The following NCAM2 variants were observed in gnomAD, a reference collection of about 807,000 sequenced individuals.
The protein encoded by NCAM2 is N-CAM-2.
In NCAM2, 30 loss-of-function variants were observed where a neutral mutation model predicts 98.1. The observed-to-expected ratio is 0.31, with a 90% CI of 0.23 to 0.41. The LOEUF (loss-of-function observed/expected upper bound fraction) is 0.41. Ranked by LOEUF, NCAM2 falls within the 10% of genes least tolerant of loss-of-function variation. The pLI, the probability that NCAM2 is intolerant of heterozygous loss-of-function variation, is 1.00. For synonymous variants in NCAM2, 368 were observed against 342.4 expected (o/e 1.07, Z -0.83); for missense variants, 867 against 1,005.8 (o/e 0.86, Z 1.87).
chr21:21,427,884 A>G (rs2077249616), intron 11 of NCAM2, among the ~76,000 whole-genome samples: 1 of 152,194 alleles, frequency 6.6e-6, no homozygotes, highest in Admixed American at 6.5e-5. Flanking sequence ...AATTACAATG[A>G]CTGACATTTG....
intron 11 of NCAM2, among the ~76,000 whole-genome samples, chr21:21,422,570 G>A (rs2077132140): frequency 6.6e-6 from 1 of 152,110 alleles, no homozygotes; most frequent in Non-Finnish European, 1.5e-5. Context: ...AGGAGTTGAC[G>A]TAGTCTTCTT....
rs140815229 is a variant in NCAM2 at position 21,460,603 on chromosome 21, G to T, written c.1655-6003G>T. ...ATTGGGTCAGTTTTCTTTAAAAGTGGTGTTTCATTTGGTATAATTTTTAAA... is the reference window on the plus strand; with the variant it reads ...ATTGGGTCAGTTTTCTTTAAAAGTGTTGTTTCATTTGGTATAATTTTTAAA... On this transcript the variant is annotated intron_variant, in intron 12 of 17. Transcript: ENST00000400546. Among the ~76,000 whole-genome samples, 1,426 of 151,984 alleles carry T rather than the reference G, an allele frequency of 9.4e-3. 16 individuals are homozygous for T. Among genetic ancestry groups the T allele is most frequent in the African/African-American group, 0.033 (1,362 of 41,510 alleles).
At chr21:21,229,817 T>G (rs2070547695) in intron 1 of NCAM2, among the ~76,000 whole-genome samples, 1 of 151,426 alleles carries the variant, frequency 6.6e-6, no homozygotes, top group Non-Finnish European at 1.5e-5. Context: ...GGATTTTTCA[T>G]GAACCAAAAA....
At chr21:21,374,523 A>G (rs902762360) in intron 9 of NCAM2, among the ~76,000 whole-genome samples, 4 of 151,894 alleles carry the variant, frequency 2.6e-5, no homozygotes, top group South Asian at 4.1e-4. Context: ...AAGGAGCATG[A>G]CAAGGATAGT....
In NCAM2 at chr21:21,074,398, CTTA is replaced by C. The variant is rs1307940454; in HGVS notation, c.55+75784_55+75786del. 2.6e-5 allele frequency among the ~76,000 whole-genome samples: 4 copies of C among 151,784 alleles called. No individual in the cohort carries two copies. The East Asian group carries it at 5.8e-4, about 22-fold the overall frequency. ...TAACATTTAATTTATTTTACATTTA[CTTA>C]TTAATTTACATTTATTTTACATTAA... On this transcript the variant is annotated intron_variant, in intron 1 of 17. Transcript: ENST00000400546.
chr21:21,063,774 T>A (rs28488407), intron 1 of NCAM2, among the ~76,000 whole-genome samples: 32,441 of 151,958 alleles, frequency 0.21, 3,913 homozygotes, highest in African/African-American at 0.31. Flanking sequence ...TACAATTATT[T>A]TATACTTGAT....
intron 1 of NCAM2, among the ~76,000 whole-genome samples, chr21:21,014,716 T>A (rs996117835): frequency 7.2e-5 from 11 of 152,214 alleles, no homozygotes; most frequent in African/African-American, 2.2e-4. Context: ...GGAGTAATTT[T>A]GACTCTTGCT....
At chr21:21,017,611 C>T (rs2064339870) in intron 1 of NCAM2, among the ~76,000 whole-genome samples, 1 of 151,870 alleles carries the variant, frequency 6.6e-6, no homozygotes, top group Admixed American at 6.6e-5. Context: ...TATACTATTC[C>T]TCGCTTATGA....
chr21:21,514,156 T>C (rs927768910), intron 16 of NCAM2, among the ~76,000 whole-genome samples: 27 of 150,852 alleles, frequency 1.8e-4, no homozygotes, highest in African/African-American at 6.3e-4. Flanking sequence ...ATATTTATAA[T>C]AAAATATTTA....
intron 1 of NCAM2, among the ~76,000 whole-genome samples, chr21:21,146,557 GTATATA>G (rs35673800): frequency 3.6e-5 from 2 of 55,032 alleles, no homozygotes; most frequent in Non-Finnish European, 1.0e-4. Context: ...ATATATATAT[GTATATA>G]TATATATATA....
At chr21:21,523,171 G>C (rs1055638872) in intron 16 of NCAM2, among the ~76,000 whole-genome samples, 2 of 151,994 alleles carry the variant, frequency 1.3e-5, no homozygotes, top group Admixed American at 6.6e-5. Context: ...TTCCCTTGCT[G>C]TTCAGATCCT....
At chr21:21,094,389 A>T (rs369500161) in intron 1 of NCAM2, among the ~76,000 whole-genome samples, 64 of 151,856 alleles carry the variant, frequency 4.2e-4, no homozygotes, top group African/African-American at 1.5e-3. Context: ...GCCCTAAAAC[A>T]TCCTTCAAAA....
chr21:21,533,135 T>A (rs945711757), intron 16 of NCAM2, among the ~76,000 whole-genome samples: 6 of 150,098 alleles, frequency 4.0e-5, no homozygotes, highest in African/African-American at 1.5e-4. Flanking sequence ...CTGTTCAATC[T>A]TTGGACCATT....
chr21:21,333,749 A>G (rs900015946), intron 6 of NCAM2, among the ~76,000 whole-genome samples: 2 of 151,992 alleles, frequency 1.3e-5, no homozygotes, highest in Non-Finnish European at 2.9e-5. Flanking sequence ...TGAAACCTCT[A>G]CCGTGCTATT....
At chr21:21,506,274 A>G (rs1257375728) in intron 15 of NCAM2, among the ~76,000 whole-genome samples, 1 of 152,134 alleles carries the variant, frequency 6.6e-6, no homozygotes, top group Non-Finnish European at 1.5e-5. Context: ...GTTGTTGAGT[A>G]ATGTGCAACA....
intron 5 of NCAM2, among the ~76,000 whole-genome samples, chr21:21,295,152 T>G (rs1438245371): frequency 2.6e-5 from 4 of 151,886 alleles, no homozygotes; most frequent in Non-Finnish European, 5.9e-5. Flanking sequence ...CAGCGCTTCC[T>G]TGTCAAATCT....
At chr21:21,081,289 G>C (rs184477285) in intron 1 of NCAM2, among the ~76,000 whole-genome samples, 3 of 152,068 alleles carry the variant, frequency 2.0e-5, no homozygotes, top group African/African-American at 7.2e-5. Context: ...AGATCTTGTC[G>C]GGAAGCTACT....
At chr21:21,346,601 G>A (rs905825232) in intron 8 of NCAM2, among the ~76,000 whole-genome samples, 4 of 151,836 alleles carry the variant, frequency 2.6e-5, no homozygotes, top group African/African-American at 9.7e-5. Flanking sequence ...TCAGCACATG[G>A]ATCATTTTCA....
At chr21:21,398,018 C>T (rs2076551361) in intron 9 of NCAM2, among the ~76,000 whole-genome samples, 1 of 152,204 alleles carries the variant, frequency 6.6e-6, no homozygotes, top group South Asian at 2.1e-4. Context: ...GGAACCAGCC[C>T]AAATGTCCAT....
Sources: gnomAD v4.1 joint callset for allele counts (sites outside exome capture counted in the v4.1 genomes callset) on GRCh38, gnomAD v4.1.1 for gene constraint, MANE v1.5 for transcripts, NCBI Gene and HGNC (gene_info 2026-07-23, HGNC 2026-07-21) for gene names.